The following ATP6V1G3 variants were observed in gnomAD, a reference collection of about 807,000 sequenced individuals.
ATP6V1G3 encodes the protein ATPase H+ transporting V1 subunit G3, also known as V-type proton ATPase subunit G 3.
A neutral mutation model predicts 9.3 loss-of-function variants in ATP6V1G3; 9 were observed. The ratio of observed to expected loss-of-function variants is 0.97; its 90% confidence interval spans 0.59 to 1.69. The LOEUF is 1.69. Among genes scored for constraint, ATP6V1G3 ranks in the 40% most tolerant of loss-of-function variants. The probability of loss-of-function intolerance (pLI) is 0.00; values close to 1 mark genes in which losing one functional copy is unlikely to be tolerated. For synonymous variants in ATP6V1G3, 43 were observed against 43.8 expected (o/e 0.98, Z 0.07); for missense variants, 133 against 139.0 (o/e 0.96, Z 0.22).
At chr1:198,534,654 A>G (rs1660036311) in intron 1 of ATP6V1G3, among the ~76,000 whole-genome samples, 1 of 152,224 alleles carries the variant, frequency 6.6e-6, no homozygotes, top group Non-Finnish European at 1.5e-5. Context: ...AGGTATTGAA[A>G]TGAATGTGCC....
chr1:198,537,477 C>T (rs1571721247), intron 1 of ATP6V1G3, among the ~76,000 whole-genome samples: 1 of 151,768 alleles, frequency 6.6e-6, no homozygotes, highest in Non-Finnish European at 1.5e-5. Flanking sequence ...CACTTTATGC[C>T]CAAGTTTCTG....
chr1:198,526,655 G>T (rs1659665481), intron 2 of ATP6V1G3, among the ~76,000 whole-genome samples: 1 of 152,120 alleles, frequency 6.6e-6, no homozygotes, highest in Non-Finnish European at 1.5e-5. Flanking sequence ...TTGTTTAAAT[G>T]TTCCAGTTTA....
At position 198,529,180 on chromosome 1, in the gene ATP6V1G3, T is replaced by C; in HGVS notation, c.84A>G (p.Arg28=). The change falls in exon 2 of 3, where the codon AGA becomes AGG. Residue 28 remains arginine (R), a splice_region_variant and synonymous_variant. Transcript: ENST00000367382. ...AKDKLEEAKK[R]KGKRLKQAKE... is the part of the protein sequence containing the mutation. ...TGGCTTGCTTCAATCGCTTTCCTTT[T>C]CCTGAAAATTAACAAATATATATAT... 6 of 1,214,700 alleles carry C rather than the reference T, an allele frequency of 4.9e-6. No individual in the cohort carries two copies. The highest frequency in any genetic ancestry group is 2.7e-5 in the Admixed American group (1 of 37,344). 75.2% of individuals were successfully genotyped at this position (1,214,700 alleles called of 1,614,324 possible). A position where few individuals can be genotyped will look rare whatever the true frequency, so the allele number is the denominator to read the frequency against.
intron 1 of ATP6V1G3, chr1:198,536,603 T>C (rs1259163053): frequency 2.7e-5 from 34 of 1,262,894 alleles, no homozygotes; most frequent in Middle Eastern, 4.0e-4. Flanking sequence ...TAAAAATGAG[T>C]GAGAGCTTTA....
chr1:198,531,116 T>G (rs1659881617), intron 1 of ATP6V1G3, among the ~76,000 whole-genome samples: 2 of 152,152 alleles, frequency 1.3e-5, no homozygotes, highest in African/African-American at 4.8e-5. Flanking sequence ...AGAGCGTGTC[T>G]GTGATTCCCT....
chr1:198,536,010 C>G (rs1024198814), intron 1 of ATP6V1G3, among the ~76,000 whole-genome samples: 2 of 143,970 alleles, frequency 1.4e-5, no homozygotes, highest in Admixed American at 6.8e-5. Context: ...TTTTTTTTTG[C>G]TATTTCTTTC....
intron 1 of ATP6V1G3, among the ~76,000 whole-genome samples, chr1:198,531,975 A>G (rs545295842): frequency 6.6e-6 from 1 of 151,194 alleles, no homozygotes; most frequent in African/African-American, 2.4e-5. Flanking sequence ...AGTCAAGGAG[A>G]AAAAAAAAGG....
chr1:198,540,577 G>T lies in ATP6V1G3; in HGVS notation c.74C>A (p.Ala25Asp). The T allele has an allele frequency of 6.2e-7, 1 of 1,613,870 alleles. No homozygotes were observed. The highest frequency in any genetic ancestry group is 8.5e-7 in the Non-Finnish European group (1 of 1,179,794). The part of the protein sequence containing the change: ...EKRAKDKLEE[A>D]KKRKGKRLKQ... ...TCACAGGTGAGACTTACTCTTCTTG[G>T]CTTCCTCTAGCTTGTCCTTGGCCCG... Residue 25 changes from alanine to aspartate, a missense_variant, in exon 1 of 3, where the codon GCC (alanine) becomes GAC (aspartate). Transcript: ENST00000367382.
At chr1:198,525,483 G>C (rs1376023099) in intron 2 of ATP6V1G3, among the ~76,000 whole-genome samples, 3 of 152,066 alleles carry the variant, frequency 2.0e-5, no homozygotes, top group African/African-American at 7.2e-5. Flanking sequence ...ATGCAAACCA[G>C]ATTCATTGGT....
intron 2 of ATP6V1G3, among the ~76,000 whole-genome samples, chr1:198,524,123 ATTTTT>A (rs10712995): frequency 2.3e-5 from 3 of 133,280 alleles, no homozygotes; most frequent in Admixed American, 7.5e-5. Context: ...TATATGCACA[ATTTTT>A]TTTTTTTTTT....
intron 1 of ATP6V1G3, among the ~76,000 whole-genome samples, chr1:198,535,968 A>T (rs1303965868): frequency 1.3e-5 from 2 of 150,860 alleles, no homozygotes; most frequent in Admixed American, 6.6e-5. Context: ...TATTTGTTCC[A>T]TTTTTCTCAT....
At chr1:198,534,931 A>T (rs766490051) in intron 1 of ATP6V1G3, among the ~76,000 whole-genome samples, 1 of 152,160 alleles carries the variant, frequency 6.6e-6, no homozygotes, top group Non-Finnish European at 1.5e-5. Flanking sequence ...CACCAGAAAA[A>T]CAAAGAGGCA....
chr1:198,529,703 G>A (rs1215084218), intron 1 of ATP6V1G3, among the ~76,000 whole-genome samples: 7 of 151,814 alleles, frequency 4.6e-5, no homozygotes, highest in Admixed American at 3.9e-4. Flanking sequence ...TTTTAAAAAC[G>A]TTTTATTGGG....
chr1:198,530,728 T>C (rs1659864141), intron 1 of ATP6V1G3, among the ~76,000 whole-genome samples: 1 of 152,200 alleles, frequency 6.6e-6, no homozygotes, highest in African/African-American at 2.4e-5. Context: ...CAACTACATA[T>C]ATATTATTCA....
intron 1 of ATP6V1G3, among the ~76,000 whole-genome samples, chr1:198,532,515 G>T (rs983869978): frequency 3.9e-5 from 6 of 152,198 alleles, no homozygotes; most frequent in African/African-American, 1.4e-4. Flanking sequence ...TGGAGTTTGT[G>T]TTCTGAATGT....
chr1:198,534,945 T>C (rs1660047354), intron 1 of ATP6V1G3, among the ~76,000 whole-genome samples: 1 of 152,168 alleles, frequency 6.6e-6, no homozygotes, highest in African/African-American at 2.4e-5. Flanking sequence ...AGAGGCAGCC[T>C]CTCCTTTGGT....
At chr1:198,532,190 G>A (rs907980423) in intron 1 of ATP6V1G3, among the ~76,000 whole-genome samples, 1 of 152,104 alleles carries the variant, frequency 6.6e-6, no homozygotes, top group Non-Finnish European at 1.5e-5. Flanking sequence ...ATAGCAATGG[G>A]ATTTAGACAG....
At position 198,523,522 on chromosome 1, in the gene ATP6V1G3, G is replaced by T. The variant is rs745394093; in HGVS notation, c.226C>A (p.Gln76Lys). The T allele has an allele frequency of 6.2e-7, 1 of 1,613,234 alleles. No homozygotes were observed. The highest frequency in any genetic ancestry group is 8.5e-7 in the Non-Finnish European group (1 of 1,179,662). Residue 76 changes from glutamine to lysine, a missense_variant, in exon 3 of 3, where the codon CAA becomes AAA. Coordinates refer to ENST00000367382, the MANE Select transcript of ATP6V1G3 (RefSeq NM_001376861.1). The part of the protein sequence containing the change: ...QNNLSDEIEE[Q>K]TLGKIQELNG... ...AGTTCTTGTATCTTCCCTAGTGTTT[G>T]TTCTTCTATTTCATCTGAGAGATTA...
intron 1 of ATP6V1G3, 92 bp from the exon 2 acceptor site, chr1:198,529,273 ATT>A (rs527885705): frequency 1.7e-5 from 5 of 293,276 alleles, no homozygotes; most frequent in Admixed American, 5.6e-5. Context: ...GGATATATAT[ATT>A]AACAACTGTA....
Sources: allele counts gnomAD v4.1 joint callset (sites outside exome capture counted in the v4.1 genomes callset), GRCh38; gene constraint gnomAD v4.1.1; transcripts MANE v1.5; gene names NCBI Gene and HGNC (gene_info 2026-07-23, HGNC 2026-07-21).